The following DENND1A variants were observed in gnomAD, a reference collection of about 807,000 sequenced individuals.
DENND1A encodes DENN domain containing 1A.
Under a neutral mutation model 113.7 loss-of-function variants are expected in DENND1A, and 51 were observed. That is an observed-to-expected ratio of 0.45 (90% CI 0.36 to 0.57). The LOEUF (loss-of-function observed/expected upper bound fraction) is 0.57, where lower values mean the gene tolerates loss of function less well. Among genes scored for constraint, DENND1A ranks in the 20% least tolerant of loss-of-function variants. The probability of loss-of-function intolerance (pLI) is 0.00; values close to 1 mark genes in which losing one functional copy is unlikely to be tolerated. For missense variants in DENND1A, 1,258 were observed against 1,395.9 expected (o/e 0.90, Z 1.57); for synonymous variants, 565 against 570.8 (o/e 0.99, Z 0.14).
chr9:123,609,520 C>A (rs1280913530), intron 10 of DENND1A, 39 bp from the exon 11 acceptor site: 2 of 1,601,616 alleles, frequency 1.2e-6, no homozygotes, highest in Admixed American at 1.7e-5. Flanking sequence ...GCTTTAATGT[C>A]TGTTGCTTCT....
intron 6 of DENND1A, among the ~76,000 whole-genome samples, chr9:123,675,339 C>T (rs2140080373): frequency 6.6e-6 from 1 of 152,244 alleles, no homozygotes; most frequent in South Asian, 2.1e-4. Flanking sequence ...TGGGGCAAAA[C>T]AAGATGGGAA....
chr9:123,787,827 T>A (rs570053089), intron 3 of DENND1A, among the ~76,000 whole-genome samples: 2 of 152,312 alleles, frequency 1.3e-5, no homozygotes, highest in South Asian at 4.1e-4. Flanking sequence ...CTACATTGCT[T>A]ATAGAGCTTG....
intron 12 of DENND1A, among the ~76,000 whole-genome samples, chr9:123,560,711 G>GT (rs922055630): frequency 1.8e-4 from 27 of 148,080 alleles, no homozygotes; most frequent in Non-Finnish European, 3.4e-4. Context: ...AAAAGGAAAA[G>GT]TAAAAAGCCC....
chr9:123,464,767 T>A (rs1418852972), intron 13 of DENND1A, among the ~76,000 whole-genome samples: 1 of 151,908 alleles, frequency 6.6e-6, no homozygotes, highest in East Asian at 1.9e-4. Context: ...TTTTTTAACT[T>A]AAAAAATAGA....
At chr9:123,823,298 G>C (rs1406162369) in intron 2 of DENND1A, among the ~76,000 whole-genome samples, 5 of 152,220 alleles carry the variant, frequency 3.3e-5, no homozygotes, top group Non-Finnish European at 7.3e-5. Flanking sequence ...AGCCTTGATG[G>C]ATGCAAAGGA....
chr9:123,530,763 C>T lies in DENND1A; in HGVS notation c.993+26807G>A, dbSNP rs201652808. On this transcript the variant is annotated intron_variant, in intron 13 of 23. Coordinates refer to ENST00000394215, the MANE Select transcript of DENND1A (RefSeq NM_001352964.2). ...GTATACCTGAAACTGCAGATAGTAT[C>T]GAACCCTAAACATACTATGTTTTTC... is the stretch of plus-strand genomic sequence containing the variant. Among the ~76,000 whole-genome samples the T allele has an allele frequency of 3.9e-5, 6 of 152,010 alleles. No homozygotes were observed. In the East Asian group the frequency reaches 5.8e-4, roughly 15 times the overall value.
chr9:123,635,922 T>C (rs990598426), intron 9 of DENND1A, among the ~76,000 whole-genome samples: 3 of 152,208 alleles, frequency 2.0e-5, no homozygotes, highest in African/African-American at 7.2e-5. Flanking sequence ...TTGTCCTGTA[T>C]GTAAAATAAG....
intron 13 of DENND1A, among the ~76,000 whole-genome samples, chr9:123,495,170 T>TCTCTCTCTCTCTCTCTC (rs371539514): frequency 3.5e-4 from 53 of 149,536 alleles, no homozygotes; most frequent in African/African-American, 4.5e-4. Flanking sequence ...TCTCTCTCTC[T>TCTCTCTCTCTCTCTCTC]TATAATGTCT....
intron 5 of DENND1A, among the ~76,000 whole-genome samples, chr9:123,712,272 G>A (rs1468063222): frequency 6.6e-6 from 1 of 152,096 alleles, no homozygotes; most frequent in African/African-American, 2.4e-5. Context: ...ACTTCATCAA[G>A]AAAACAGAAG....
intron 5 of DENND1A, among the ~76,000 whole-genome samples, chr9:123,693,834 T>TTATTA (rs2065332846): frequency 6.8e-6 from 1 of 147,902 alleles, no homozygotes; most frequent in Non-Finnish European, 1.5e-5. Context: ...ATTATTATTA[T>TTATTA]TATTATTATT....
At chr9:123,767,152 T>C (rs145761628) in intron 4 of DENND1A, among the ~76,000 whole-genome samples, 329 of 152,318 alleles carry the variant, frequency 2.2e-3, no homozygotes, top group African/African-American at 7.8e-3. Context: ...AATTAAGACA[T>C]TGAAACCTTT....
At position 123,382,590 on chromosome 9, in the gene DENND1A, C is replaced by T. The variant is rs763217581; in HGVS notation, c.2055G>A (p.Gly685=). The change falls in exon 24 of 24, where the codon GGG becomes GGA. Residue 685 remains glycine (G), a synonymous_variant. Transcript: ENST00000394215. ...GGGTAAGCTTCAAGGCCACTGTCACCCCGCGGCTCCTCTCACTCCCGCCCA... is the reference window on the plus strand; with the variant it reads ...GGGTAAGCTTCAAGGCCACTGTCACTCCGCGGCTCCTCTCACTCCCGCCCA... ...LDLGGSERSR[G]VTVALKLTHP... is the part of the protein sequence containing the mutation. The T allele has an allele frequency of 1.9e-6, 3 of 1,614,026 alleles. No homozygotes were observed. The highest frequency in any genetic ancestry group is 1.1e-5 in the South Asian group (1 of 91,088).
intron 10 of DENND1A, among the ~76,000 whole-genome samples, chr9:123,627,821 G>T (rs547649664): frequency 6.6e-6 from 1 of 152,146 alleles, no homozygotes; most frequent in East Asian, 1.9e-4. Context: ...TTGAAGCAAG[G>T]AGGCCAGCAG....
At chr9:123,896,720 T>C (rs1048265529) in intron 1 of DENND1A, among the ~76,000 whole-genome samples, 5 of 151,988 alleles carry the variant, frequency 3.3e-5, no homozygotes, top group African/African-American at 1.2e-4. Context: ...GTTCTCAAAA[T>C]AAGAATGAAT....
intron 2 of DENND1A, among the ~76,000 whole-genome samples, chr9:123,794,439 G>C (rs529874235): frequency 2.6e-5 from 4 of 152,252 alleles, no homozygotes; most frequent in Admixed American, 6.5e-5. Flanking sequence ...ATCATCTAAG[G>C]CTTATTCTTT....
intron 5 of DENND1A, among the ~76,000 whole-genome samples, chr9:123,710,534 A>AACACACACACACACAC (rs59599155): frequency 1.7e-5 from 2 of 116,698 alleles, no homozygotes; most frequent in Non-Finnish European, 3.8e-5. Flanking sequence ...AGCCTCATTA[A>AACACACACACACACAC]ACACACACAC....
Position 123,701,623 on chromosome 9 carries a change from A to AGT in DENND1A, c.303-24835_303-24834insAC, listed in dbSNP as rs1589726081. Among the ~76,000 whole-genome samples, 3 of 152,190 alleles carry AGT rather than the reference A, an allele frequency of 2.0e-5. No homozygotes were observed. In the East Asian group the frequency reaches 5.8e-4, roughly 29 times the overall value. On this transcript the variant is annotated intron_variant, in intron 5 of 23. Coordinates refer to ENST00000394215, the MANE Select transcript of DENND1A (RefSeq NM_001352964.2). ...TTGAGTTCTGGCCTGCATCACTGCC[A>AGT]GCTGACTACAGTGGCCTTAGGCTAT...
chr9:123,416,807 C>T (rs577659801), intron 19 of DENND1A, among the ~76,000 whole-genome samples: 5 of 152,306 alleles, frequency 3.3e-5, no homozygotes, highest in Non-Finnish European at 5.9e-5. Flanking sequence ...GGAAGGATTC[C>T]TCCTGTGTGT....
At chr9:123,397,345 G>T (rs1340135054) in intron 21 of DENND1A, among the ~76,000 whole-genome samples, 1 of 152,290 alleles carries the variant, frequency 6.6e-6, no homozygotes, top group Middle Eastern at 3.4e-3. Context: ...AGTAGAGACG[G>T]AGTTTTGCCA....
Sources: gnomAD v4.1 joint callset for allele counts (sites outside exome capture counted in the v4.1 genomes callset) on GRCh38, gnomAD v4.1.1 for gene constraint, MANE v1.5 for transcripts, NCBI Gene and HGNC (gene_info 2026-07-23, HGNC 2026-07-21) for gene names.